The following UNC5D variants were observed in gnomAD, a reference collection of about 807,000 sequenced individuals.
UNC5D encodes the protein netrin receptor UNC5D.
A neutral mutation model predicts 105.4 loss-of-function variants in UNC5D; 39 were observed. The observed-to-expected ratio is 0.37, with a 90% confidence interval of 0.29 to 0.48. The LOEUF (loss-of-function observed/expected upper bound fraction) is 0.48. UNC5D is among the 20% of genes least tolerant of loss of function. The pLI, the probability that UNC5D is intolerant of heterozygous loss-of-function variation, is 0.98. For missense variants in UNC5D, 991 were observed against 1,202.4 expected, an observed-to-expected ratio of 0.82 and a Z score of 2.60; for synonymous variants, 452 against 450.4, an observed-to-expected ratio of 1.00 and a Z score of -0.04.
chr8:35,762,709 T>C (rs1274270283), intron 14 of UNC5D, among the ~76,000 whole-genome samples: 1 of 152,142 alleles, frequency 6.6e-6, no homozygotes, highest in East Asian at 1.9e-4. Flanking sequence ...AGCTCCTAAA[T>C]CACTTTCCTT....
At chr8:35,371,916 G>T (rs1585690670) in intron 1 of UNC5D, among the ~76,000 whole-genome samples, 1 of 152,108 alleles carries the variant, frequency 6.6e-6, no homozygotes, top group African/African-American at 2.4e-5. Flanking sequence ...ACCAAACAAG[G>T]ATGAGCAATG....
chr8:35,343,352 C>T (rs1257884534), intron 1 of UNC5D, among the ~76,000 whole-genome samples: 1 of 152,048 alleles, frequency 6.6e-6, no homozygotes, highest in East Asian at 1.9e-4. Context: ...GGTCATCATT[C>T]TATTTTAATC....
intron 8 of UNC5D, among the ~76,000 whole-genome samples, chr8:35,708,187 GCA>G (rs2131465695): frequency 6.6e-6 from 1 of 152,302 alleles, no homozygotes. Flanking sequence ...TCAGAGCTCT[GCA>G]CAGAGTGCTC....
intron 1 of UNC5D, among the ~76,000 whole-genome samples, chr8:35,274,601 G>T (rs1805646265): frequency 6.6e-6 from 1 of 152,138 alleles, no homozygotes; most frequent in African/African-American, 2.4e-5. Flanking sequence ...TGTGTGATAT[G>T]CCACGTTTTG....
At position 35,525,158 on chromosome 8, in the gene UNC5D, T is replaced by C. The variant is rs912753021; in HGVS notation, c.104-24134T>C. 13 of 1,605,268 alleles carry C rather than the reference T, an allele frequency of 8.1e-6. No homozygotes were observed. The African/African-American group carries it at 1.5e-4, about 19-fold the overall frequency. ...CCTCCTTGGCTGGATGCTGGAAGAG[T>C]CCTCCATGTGTACGGACTCAGGATG... On this transcript the variant is annotated intron_variant, in intron 1 of 16. Transcript: ENST00000404895.
intron 2 of UNC5D, among the ~76,000 whole-genome samples, chr8:35,563,577 A>ACTTTTTCCTCTCCAAATGGATGC (rs1586140795): frequency 6.6e-6 from 1 of 151,974 alleles, no homozygotes; most frequent in East Asian, 1.9e-4. Flanking sequence ...GGCTAATTTG[A>ACTTTTTCCTCTCCAAATGGATGC]CTTTTTCCTC....
intron 7 of UNC5D, among the ~76,000 whole-genome samples, chr8:35,687,724 T>G (rs956813982): frequency 6.6e-6 from 1 of 152,190 alleles, no homozygotes; most frequent in Non-Finnish European, 1.5e-5. Flanking sequence ...GCTTAACCTC[T>G]TATCTTCTCT....
chr8:35,282,002 T>C (rs1272834901), intron 1 of UNC5D, among the ~76,000 whole-genome samples: 1 of 152,230 alleles, frequency 6.6e-6, no homozygotes, highest in African/African-American at 2.4e-5. Context: ...TAAAATATCG[T>C]ATTATTTTCC....
intron 1 of UNC5D, among the ~76,000 whole-genome samples, chr8:35,306,369 A>G (rs936687028): frequency 6.6e-6 from 1 of 152,098 alleles, no homozygotes; most frequent in African/African-American, 2.4e-5. Flanking sequence ...ATATAATTTT[A>G]TAAGCATAAT....
At chr8:35,480,402 C>T (rs1810404978) in intron 1 of UNC5D, among the ~76,000 whole-genome samples, 1 of 152,176 alleles carries the variant, frequency 6.6e-6, no homozygotes, top group Non-Finnish European at 1.5e-5. Context: ...GTCAGTGAGA[C>T]TAAGAATTCA....
chr8:35,412,242 C>T (rs1347683120), intron 1 of UNC5D, among the ~76,000 whole-genome samples: 1 of 151,990 alleles, frequency 6.6e-6, no homozygotes, highest in Non-Finnish European at 1.5e-5. Flanking sequence ...CATTGGGCAC[C>T]AGTTAGGATT....
chr8:35,259,217 G>A (rs1451291753), intron 1 of UNC5D, among the ~76,000 whole-genome samples: 2 of 152,124 alleles, frequency 1.3e-5, no homozygotes, highest in Non-Finnish European at 2.9e-5. Context: ...AGAAAAGGCT[G>A]TGGATTTCTG....
intron 1 of UNC5D, among the ~76,000 whole-genome samples, chr8:35,461,086 G>A (rs1249243338): frequency 6.6e-6 from 1 of 152,182 alleles, no homozygotes; most frequent in Non-Finnish European, 1.5e-5. Context: ...AAAATCTGGT[G>A]GCTCTGTGGA....
intron 7 of UNC5D, 80 bp from the exon 8 acceptor site, chr8:35,705,843 GTAGATA>G (rs2131452734): frequency 1.3e-6 from 1 of 763,548 alleles, no homozygotes; most frequent in East Asian, 3.2e-5. Context: ...ATTTATAGAG[GTAGATA>G]TAAAGTGAAA....
intron 7 of UNC5D, among the ~76,000 whole-genome samples, chr8:35,701,809 A>T (rs547480765): frequency 6.6e-6 from 1 of 151,566 alleles, no homozygotes; most frequent in South Asian, 2.1e-4. Context: ...ATCACAGGGG[A>T]TAAAGAGCTA....
Position 35,617,501 on chromosome 8 carries a change from T to C in UNC5D, c.570+21844T>C, listed in dbSNP as rs1316545871. On this transcript the variant is annotated intron_variant, in intron 4 of 16. Transcript: ENST00000404895. ...ATCCTAGATGGCCTCTTTCATTGCA[T>C]TGCACAGCTCTCAAGCCTCTCCACC... Among the ~76,000 whole-genome samples, 5 of 152,192 alleles carry C rather than the reference T, an allele frequency of 3.3e-5. No individual in the cohort carries two copies. In the East Asian group the frequency reaches 7.7e-4, roughly 23 times the overall value.
chr8:35,247,398 A>G lies in UNC5D; in HGVS notation c.103+11511A>G, dbSNP rs558760227. 6.1e-4 allele frequency among the ~76,000 whole-genome samples: 90 copies of G among 147,772 alleles called. 1 individual carries two copies. The highest frequency in any genetic ancestry group is 2.1e-3 in the African/African-American group (86 of 40,096). On this transcript the variant is annotated intron_variant, in intron 1 of 16. Coordinates refer to ENST00000404895, the MANE Select transcript of UNC5D (RefSeq NM_080872.4). ...TATAGATTCGTTTTGTGTTTGGGTG[A>G]AAGTTAGGGTGCCTTAAGTCTTAAT...
chr8:35,296,587 T>C (rs931015720), intron 1 of UNC5D, among the ~76,000 whole-genome samples: 10 of 152,108 alleles, frequency 6.6e-5, no homozygotes, highest in Admixed American at 5.9e-4. Flanking sequence ...GACCAGCTAA[T>C]ATTTGTATTT....
chr8:35,306,307 GT>G (rs1563298754), intron 1 of UNC5D, among the ~76,000 whole-genome samples: 1 of 151,774 alleles, frequency 6.6e-6, no homozygotes, highest in African/African-American at 2.4e-5. Context: ...ATCCACTGAG[GT>G]TTTTTTGTTT....
Sources: allele counts gnomAD v4.1 joint callset (sites outside exome capture counted in the v4.1 genomes callset), GRCh38; gene constraint gnomAD v4.1.1; transcripts MANE v1.5; gene names NCBI Gene and HGNC (gene_info 2026-07-23, HGNC 2026-07-21).